Variants in STIP1 observed in about 807,000 individuals in gnomAD.
STIP1 encodes stress induced phosphoprotein 1, also known as stress-induced-phosphoprotein 1.
In STIP1, 16 loss-of-function variants were observed where a neutral mutation model predicts 77.4. The ratio of observed to expected loss-of-function variants is 0.21; its 90% CI spans 0.14 to 0.31. The LOEUF (loss-of-function observed/expected upper bound fraction) is 0.31. STIP1 is among the 10% of genes least tolerant of loss of function. The pLI, the probability that STIP1 is intolerant of heterozygous loss-of-function variation, is 1.00. For synonymous variants in STIP1, 258 were observed against 246.6 expected (o/e 1.05, Z -0.44); for missense variants, 524 against 684.8 (o/e 0.77, Z 2.62).
At chr11:64,200,484 AT>A (rs932106486) in intron 10 of STIP1, among the ~76,000 whole-genome samples, 191 bp downstream of exon 10, 3 of 149,924 alleles carry the variant, frequency 2.0e-5, no homozygotes, top group Non-Finnish European at 4.4e-5. Flanking sequence ...TACATTTTTT[AT>A]TTTTTTTGTA....
At chr11:64,198,495 G>A (rs1946176057) in intron 8 of STIP1, among the ~76,000 whole-genome samples, 1 of 151,814 alleles carries the variant, frequency 6.6e-6, no homozygotes, top group East Asian at 1.9e-4. Context: ...ACAGGCCACT[G>A]CGCCTGGCCA....
chr11:64,203,757 T>C, intron 13 of STIP1, 135 bp downstream of exon 13: 2 of 1,235,526 alleles, frequency 1.6e-6, no homozygotes, highest in Non-Finnish European at 2.3e-6. Context: ...CTTAAGGAGA[T>C]TGGCAGTGGG....
chr11:64,189,439 A>G (rs1010209124), intron 1 of STIP1, among the ~76,000 whole-genome samples: 1 of 152,140 alleles, frequency 6.6e-6, no homozygotes, highest in South Asian at 2.1e-4. Flanking sequence ...AGGCAGGACA[A>G]TTGCTTGAAC....
In STIP1 at chr11:64,193,290, C is replaced by T. The variant is rs773209802; in HGVS notation, c.219+3C>T. 6.2e-7 allele frequency: 1 copy of T among 1,614,156 alleles called. No individual in the cohort carries two copies. Among genetic ancestry groups the T allele is most frequent in the Admixed American group, 1.7e-5 (1 of 60,018 alleles). On this transcript the variant is annotated splice_donor_region_variant and intron_variant, in intron 2 of 13. Transcript: ENST00000305218. ...ACCTAAAGCCTGACTGGGGCAAGGTCAGCTGTGGGCAGTGGAGGGAGAGAG... is the reference window on the plus strand; with the variant it reads ...ACCTAAAGCCTGACTGGGGCAAGGTTAGCTGTGGGCAGTGGAGGGAGAGAG...
At chr11:64,186,400 G>T (rs1946017822) in intron 1 of STIP1, 130 bp downstream of exon 1, 1 of 1,065,376 alleles carries the variant, frequency 9.4e-7, no homozygotes, top group African/African-American at 1.7e-5. Flanking sequence ...GGACGGGGCG[G>T]CGGCGGGGAG....
intron 10 of STIP1, chr11:64,202,674 T>C (rs1306859930): frequency 9.8e-6 from 6 of 609,794 alleles, no homozygotes; most frequent in Non-Finnish European, 1.8e-5. Flanking sequence ...GCTATGTGTT[T>C]TTCATAACAT....
In STIP1 at chr11:64,203,618, A is replaced by G; in HGVS notation, c.1555A>G (p.Ser519Gly). The G allele has an allele frequency of 2.5e-6, 4 of 1,614,214 alleles. No homozygotes were observed. The highest frequency in any genetic ancestry group is 3.4e-6 in the Non-Finnish European group (4 of 1,180,040). Reference protein sequence around the residue: ...EQMQKDPQALSEHLKNPVIAQ... With the variant: ...EQMQKDPQALGEHLKNPVIAQ... ...GATGCAGAAGGACCCCCAGGCACTC[A>G]GCGAGTACGTAGAGTCAGAGAGGCG... Residue 519 changes from serine to glycine, a missense_variant, in exon 13 of 14, where the codon AGC (serine) becomes GGC (glycine). Physicochemically the swap from Ser to Gly is moderately conservative, Grantham distance 56. Transcript: ENST00000305218.
intron 1 of STIP1, among the ~76,000 whole-genome samples, chr11:64,189,243 C>A (rs778137940): frequency 1.9e-4 from 29 of 152,172 alleles, no homozygotes; most frequent in Non-Finnish European, 3.8e-4. Flanking sequence ...CGCCTGTAGT[C>A]CCGGCTACTT....
intron 1 of STIP1, among the ~76,000 whole-genome samples, chr11:64,192,465 G>T (rs575127640): frequency 6.6e-6 from 1 of 152,334 alleles, no homozygotes; most frequent in Non-Finnish European, 1.5e-5. Context: ...AATTTGGGGA[G>T]CTAGCTTGAC....
intron 1 of STIP1, among the ~76,000 whole-genome samples, chr11:64,190,024 A>G (rs1946074705): frequency 6.7e-6 from 1 of 149,632 alleles, no homozygotes; most frequent in African/African-American, 2.5e-5. Flanking sequence ...TTTTCCAAAT[A>G]GAGTCTCACT....
chr11:64,190,945 T>A (rs1048496495), intron 1 of STIP1, among the ~76,000 whole-genome samples: 26 of 152,256 alleles, frequency 1.7e-4, no homozygotes, highest in African/African-American at 5.8e-4. Context: ...CCCAGCACTT[T>A]GGGAGGCCAA....
In STIP1 at chr11:64,195,720, G is replaced by A. The variant is rs1946142227; in HGVS notation, c.579G>A (p.Glu193=). 6.2e-7 allele frequency: 1 copy of A among 1,614,048 alleles called. No individual in the cohort carries two copies. The highest frequency in any genetic ancestry group is 8.5e-7 in the Non-Finnish European group (1 of 1,180,014). Residue 193 remains glutamate (E), a synonymous_variant, in exon 5 of 14, where the codon GAG becomes GAA. Coordinates refer to ENST00000305218, the MANE Select transcript of STIP1 (RefSeq NM_006819.3). ...TCGATCTGGGCAGTATGGATGAGGA[G>A]GAAGAGATTGCAACACCTCCACCAC... ...LGVDLGSMDE[E]EEIATPPPPP...
chr11:64,200,424 C>A, intron 10 of STIP1, 131 bp downstream of exon 10: 1 of 1,419,052 alleles, frequency 7.0e-7, no homozygotes, highest in Non-Finnish European at 9.5e-7. Flanking sequence ...TCTGTCCTGC[C>A]TCAGCCTCCT....
chr11:64,189,384 G>A (rs1450467321), intron 1 of STIP1, among the ~76,000 whole-genome samples: 4 of 151,906 alleles, frequency 2.6e-5, no homozygotes, highest in Non-Finnish European at 5.9e-5. Context: ...ATAAATAAGC[G>A]GACATTGTGG....
chr11:64,197,089 TTA>T, intron 5 of STIP1, 180 bp from the exon 6 acceptor site: 1 of 739,722 alleles, frequency 1.4e-6, no homozygotes, highest in Non-Finnish European at 2.2e-6. Flanking sequence ...AAAGATGAAG[TTA>T]GTTTTCATTC....
intron 1 of STIP1, among the ~76,000 whole-genome samples, chr11:64,186,897 C>T (rs1015734299): frequency 7.2e-5 from 11 of 152,174 alleles, no homozygotes; most frequent in Non-Finnish European, 1.2e-4. Context: ...CTACCTGATG[C>T]GGGAAAGGGA....
At chr11:64,192,430 G>A (rs907018592) in intron 1 of STIP1, among the ~76,000 whole-genome samples, 6 of 152,244 alleles carry the variant, frequency 3.9e-5, no homozygotes, top group Non-Finnish European at 2.9e-5. Flanking sequence ...CCTTTGTAAT[G>A]TAATATTTAA....
chr11:64,189,800 A>G (rs1591004316), intron 1 of STIP1, among the ~76,000 whole-genome samples: 2 of 152,312 alleles, frequency 1.3e-5, no homozygotes, highest in East Asian at 1.9e-4. Context: ...TTTCTAAAGC[A>G]TAGGCAGGAA....
chr11:64,203,271 C>T (rs985642819), intron 12 of STIP1, 43 bp downstream of exon 12: 2 of 1,606,272 alleles, frequency 1.2e-6, no homozygotes, highest in Non-Finnish European at 8.5e-7. Flanking sequence ...CTGCCTCTTT[C>T]TCTGTTGGGG....
Sources: allele counts gnomAD v4.1 joint callset (sites outside exome capture counted in the v4.1 genomes callset), GRCh38; gene constraint gnomAD v4.1.1; transcripts MANE v1.5; gene names NCBI Gene and HGNC (gene_info 2026-07-23, HGNC 2026-07-21).